Variants in TVP23A observed in about 807,000 individuals in gnomAD.
TVP23A encodes the protein Golgi apparatus membrane protein TVP23 homolog A.
A neutral mutation model predicts 31.7 loss-of-function variants in TVP23A; 21 were observed. The observed-to-expected ratio is 0.66, with a 90% CI of 0.47 to 0.95. The LOEUF is 0.95. Ranked by LOEUF, TVP23A falls within the 40% of genes least tolerant of loss-of-function variation. The pLI is 0.00. For missense variants in TVP23A, 279 were observed against 255.6 expected, an observed-to-expected ratio of 1.09 and a Z score of -0.62; for synonymous variants, 104 against 96.0, an observed-to-expected ratio of 1.08 and a Z score of -0.49.
intron 2 of TVP23A, among the ~76,000 whole-genome samples, chr16:10,801,153 G>A (rs929091031): frequency 1.3e-5 from 2 of 152,062 alleles, no homozygotes; most frequent in African/African-American, 4.8e-5. Flanking sequence ...CCAAAATCTG[G>A]GGCCTGGGAT....
In TVP23A at chr16:10,771,817, A is replaced by G. The variant is rs1317372073; in HGVS notation, c.454-19T>C. On this transcript the variant is annotated intron_variant, in intron 5 of 7. Transcript: ENST00000299866. ...CCAGAGCCTGCACTCAGACAAAGAAAGCAAAGGTCACTTTTTTTTGAGACA... is the reference window on the plus strand; with the variant it reads ...CCAGAGCCTGCACTCAGACAAAGAAGGCAAAGGTCACTTTTTTTTGAGACA... The G allele has an allele frequency of 1.3e-6, 2 of 1,554,792 alleles. No homozygotes were observed. Among genetic ancestry groups the G allele is most frequent in the Non-Finnish European group, 1.7e-6 (2 of 1,148,534 alleles).
chr16:10,808,920 C>G (rs1218108828), intron 2 of TVP23A, among the ~76,000 whole-genome samples: 1 of 152,172 alleles, frequency 6.6e-6, no homozygotes, highest in Non-Finnish European at 1.5e-5. Context: ...TTCATGGAAG[C>G]CCATGACCTT....
intron 2 of TVP23A, among the ~76,000 whole-genome samples, chr16:10,781,046 A>C (rs919916564): frequency 6.6e-6 from 1 of 152,108 alleles, no homozygotes; most frequent in Non-Finnish European, 1.5e-5. Context: ...TTGTTTCAAG[A>C]AGAGGAGACT....
chr16:10,764,414 T>C (rs1301211444), downstream of TVP23A, among the ~76,000 whole-genome samples: 3 of 151,498 alleles, frequency 2.0e-5, no homozygotes, highest in Non-Finnish European at 2.9e-5. Context: ...TATTTGTCTA[T>C]TGGAGAATCT....
intron 2 of TVP23A, among the ~76,000 whole-genome samples, chr16:10,807,367 A>G (rs1312595590): frequency 6.6e-6 from 1 of 152,154 alleles, no homozygotes; most frequent in Non-Finnish European, 1.5e-5. Flanking sequence ...TCTTGGGTCA[A>G]TGTCACACAC....
chr16:10,784,515 C>T (rs1431461572), intron 2 of TVP23A, among the ~76,000 whole-genome samples: 1 of 150,790 alleles, frequency 6.6e-6, no homozygotes, highest in Non-Finnish European at 1.5e-5. Context: ...GATCCGAGAT[C>T]ACACCAATGC....
chr16:10,775,621 G>A (rs1596501970), intron 2 of TVP23A: 2 of 842,068 alleles, frequency 2.4e-6, no homozygotes, highest in South Asian at 5.3e-5. Flanking sequence ...TGAATGGCAC[G>A]TGAATCCTGG....
chr16:10,809,383 C>T lies in TVP23A; in HGVS notation c.89+8720G>A, dbSNP rs78760378. On this transcript the variant is annotated intron_variant, in intron 2 of 7. Transcript: ENST00000299866. Reference sequence around the variant, plus strand: ...TCCACGAGGACTGTTGTATCTGCCACCCACTGCCCCTGCACTGGAGGGACT... The same window carrying T: ...TCCACGAGGACTGTTGTATCTGCCATCCACTGCCCCTGCACTGGAGGGACT... Among the ~76,000 whole-genome samples, 410 of 152,334 alleles carry T rather than the reference C, an allele frequency of 2.7e-3. 3 individuals are homozygous for T. Among genetic ancestry groups the T allele is most frequent in the African/African-American group, 9.6e-3 (399 of 41,560 alleles).
chr16:10,801,703 G>A (rs763545169), intron 2 of TVP23A, among the ~76,000 whole-genome samples: 4 of 152,090 alleles, frequency 2.6e-5, no homozygotes, highest in South Asian at 2.1e-4. Context: ...CGATCCTCCC[G>A]TCTCAGCCTC....
chr16:10,817,539 C>T (rs943709038), intron 2 of TVP23A, among the ~76,000 whole-genome samples: 1 of 152,206 alleles, frequency 6.6e-6, no homozygotes, highest in Non-Finnish European at 1.5e-5. Flanking sequence ...AGTGACTTGA[C>T]CCAGGACAAG....
chr16:10,785,819 A>G (rs58729619), intron 2 of TVP23A, among the ~76,000 whole-genome samples: 3,547 of 152,300 alleles, frequency 0.023, 129 homozygotes, highest in African/African-American at 0.077. Flanking sequence ...AGCCCTTTGC[A>G]GCCTCTGATT....
downstream of TVP23A, chr16:10,762,090 C>T: frequency 2.2e-6 from 1 of 452,638 alleles, no homozygotes; most frequent in South Asian, 3.3e-5. Context: ...AGGGGTGAGG[C>T]CTGGAAGAAT....
chr16:10,758,163 C>G, downstream of TVP23A: 7 of 971,092 alleles, frequency 7.2e-6, no homozygotes, highest in Non-Finnish European at 1.0e-5. Flanking sequence ...TGATGTGGGT[C>G]TGCAGAAACC....
intron 2 of TVP23A, among the ~76,000 whole-genome samples, chr16:10,809,219 CAGAAA>C (rs1408005038): frequency 1.8e-4 from 28 of 152,320 alleles, no homozygotes; most frequent in Admixed American, 5.9e-4. Context: ...CCCCATTTTA[CAGAAA>C]AGAAAAGTGG....
intron 5 of TVP23A, among the ~76,000 whole-genome samples, 187 bp from the exon 6 acceptor site, chr16:10,771,985 A>AT (rs1280044650): frequency 1.3e-5 from 2 of 151,882 alleles, no homozygotes; most frequent in South Asian, 4.2e-4. Flanking sequence ...GGCCTGGCTA[A>AT]TTTTTTTGTA....
At chr16:10,797,955 CTTT>C (rs1162130562) in intron 2 of TVP23A, among the ~76,000 whole-genome samples, 2 of 122,910 alleles carry the variant, frequency 1.6e-5, no homozygotes, top group Non-Finnish European at 3.4e-5. Flanking sequence ...TTTTCTTTTT[CTTT>C]TTTTTTTTTT....
intron 2 of TVP23A, among the ~76,000 whole-genome samples, chr16:10,793,021 G>T (rs558799645): frequency 2.6e-5 from 4 of 152,324 alleles, no homozygotes; most frequent in African/African-American, 9.6e-5. Flanking sequence ...GGGCATGGTG[G>T]CTCCTGCCTG....
intron 2 of TVP23A, among the ~76,000 whole-genome samples, chr16:10,797,384 TA>T (rs922794703): frequency 4.2e-4 from 60 of 141,696 alleles, no homozygotes; most frequent in Middle Eastern, 3.6e-3. Context: ...AATGAAAACA[TA>T]AAAAAAAAAA....
chr16:10,791,522 CTGTGCCAATAGGAAAAGGCCAAGT>C (rs1399205691), intron 2 of TVP23A, among the ~76,000 whole-genome samples: 1 of 152,234 alleles, frequency 6.6e-6, no homozygotes, highest in Non-Finnish European at 1.5e-5. Context: ...ATGCCAGCAG[CTGTGCCAATAGGAAAAGGCCAAGT>C]TGTGCCAATA....
Sources: gnomAD v4.1 joint callset for allele counts (sites outside exome capture counted in the v4.1 genomes callset) on GRCh38, gnomAD v4.1.1 for gene constraint, MANE v1.5 for transcripts, NCBI Gene and HGNC (gene_info 2026-07-23, HGNC 2026-07-21) for gene names.